Variants in AREG observed in about 807,000 individuals in gnomAD.
AREG encodes the protein amphiregulin, also known as amphiregulin B.
Under a neutral mutation model 28.0 loss-of-function variants are expected in AREG, and 16 were observed. The ratio of observed to expected loss-of-function variants is 0.57; its 90% CI spans 0.39 to 0.87. The LOEUF is 0.87. Among genes scored for constraint, AREG ranks in the 40% least tolerant of loss-of-function variants. The pLI is 0.00. For synonymous variants in AREG, 113 were observed against 113.5 expected (o/e 1.00, Z 0.02); for missense variants, 287 against 309.1 (o/e 0.93, Z 0.53).
intron 3 of AREG, 130 bp from the exon 4 acceptor site, chr4:74,450,250 T>C (rs1719360208): frequency 7.0e-7 from 1 of 1,437,072 alleles, no homozygotes; most frequent in Non-Finnish European, 9.7e-7. Context: ...TGTCTCATTA[T>C]TTAAAATACG....
At chr4:74,453,358 T>C (rs940519455) in intron 5 of AREG, among the ~76,000 whole-genome samples, 1 of 151,986 alleles carries the variant, frequency 6.6e-6, no homozygotes, top group Non-Finnish European at 1.5e-5. Flanking sequence ...GATAAATAGG[T>C]TGGTGAAAAC....
chr4:74,447,334 C>G (rs1176825631), intron 2 of AREG, among the ~76,000 whole-genome samples: 1 of 152,104 alleles, frequency 6.6e-6, no homozygotes, highest in African/African-American at 2.4e-5. Context: ...AGGCATTAGA[C>G]TTTAGCGTTT....
chr4:74,449,278 G>T, intron 3 of AREG, 30 bp downstream of exon 3: 2 of 1,613,374 alleles, frequency 1.2e-6, no homozygotes, highest in Non-Finnish European at 1.7e-6. Flanking sequence ...ATAGAATTTT[G>T]TATTTCTAGC....
In AREG at chr4:74,446,742, A is replaced by G; in HGVS notation, c.270A>G (p.Glu90=). Residue 90 remains glutamate, a synonymous_variant, in exon 2 of 6, where the codon GAA becomes GAG. Coordinates refer to ENST00000395748, the MANE Select transcript of AREG (RefSeq NM_001657.4). The part of the protein sequence containing the change: ...DYDYSEEYDN[E]PQIPGYIVDD... ...ACTACTCAGAAGAGTATGATAACGA[A>G]CCACAAATACCTGGCTATATTGTCG... The G allele has an allele frequency of 6.2e-7, 1 of 1,613,494 alleles. No individual in the cohort carries two copies. Among genetic ancestry groups the G allele is most frequent in the East Asian group, 2.2e-5 (1 of 44,862 alleles).
intron 2 of AREG, 77 bp from the exon 3 acceptor site, chr4:74,448,970 A>G (rs1432109324): frequency 1.9e-5 from 30 of 1,588,072 alleles, no homozygotes; most frequent in Admixed American, 3.6e-5. Flanking sequence ...GCTCACTGCT[A>G]TGACATCTTT....
At chr4:74,450,077 A>T (rs1282541710) in intron 3 of AREG, among the ~76,000 whole-genome samples, 1 of 152,174 alleles carries the variant, frequency 6.6e-6, no homozygotes, top group East Asian at 1.9e-4. Flanking sequence ...CTAGCACATT[A>T]AATAATATTG....
In AREG at chr4:74,454,847, T is replaced by A; in HGVS notation, c.*107T>A. ...GGATCATAAGACAATGGACCCTTTTTGTTATGATGGTTTTAAACTTTCAAT... is the reference window on the plus strand; with the variant it reads ...GGATCATAAGACAATGGACCCTTTTAGTTATGATGGTTTTAAACTTTCAAT... On this transcript the variant is annotated 3_prime_UTR_variant, in exon 6 of 6. Transcript: ENST00000395748. The A allele has an allele frequency of 1.4e-6, 1 of 700,058 alleles. No homozygotes were observed. The highest frequency in any genetic ancestry group is 2.6e-6 in the Non-Finnish European group (1 of 383,480). 43.4% of individuals were successfully genotyped at this position (700,058 alleles called of 1,614,324 possible).
Position 74,446,786 on chromosome 4 carries a change from A to G in AREG, c.310+4A>G, listed in dbSNP as rs755711979. On this transcript the variant is annotated splice_donor_region_variant and intron_variant, in intron 2 of 5. Coordinates refer to ENST00000395748, the MANE Select transcript of AREG (RefSeq NM_001657.4). Reference sequence around the variant, plus strand: ...ATTGTCGATGATTCAGTCAGAGGTGAGTAGGGGATAAAGCAAAAATATGGC... The same window carrying G: ...ATTGTCGATGATTCAGTCAGAGGTGGGTAGGGGATAAAGCAAAAATATGGC... 3.9e-5 allele frequency: 63 copies of G among 1,613,844 alleles called. No individual in the cohort carries two copies. The highest frequency in any genetic ancestry group is 5.2e-5 in the Non-Finnish European group (61 of 1,179,872).
intron 3 of AREG, among the ~76,000 whole-genome samples, chr4:74,449,788 C>T (rs1289765555): frequency 6.6e-6 from 1 of 151,974 alleles, no homozygotes; most frequent in African/African-American, 2.4e-5. Context: ...AAAAACTATT[C>T]TTAGCTTGCA....
At position 74,446,702 on chromosome 4, in the gene AREG, C is replaced by T. The variant is rs769439500; in HGVS notation, c.230C>T (p.Ser77Leu). Residue 77 changes from serine to leucine, a missense_variant, in exon 2 of 6, where the codon TCG becomes TTG. By Grantham distance (145) the Ser-to-Leu change is moderately radical. Transcript: ENST00000395748. ...ATGCCTTCTAGTAGTGAACCGTCCTCGGGAGCCGACTATGACTACTCAGAA... is the reference window on the plus strand; with the variant it reads ...ATGCCTTCTAGTAGTGAACCGTCCTTGGGAGCCGACTATGACTACTCAGAA... Reference protein sequence around the residue: ...SEMPSSSEPSSGADYDYSEEY... With the variant: ...SEMPSSSEPSLGADYDYSEEY... 9.3e-6 allele frequency: 15 copies of T among 1,613,774 alleles called. No individual in the cohort carries two copies. Among genetic ancestry groups the T allele is most frequent in the Admixed American group, 8.3e-5 (5 of 59,986 alleles).
At chr4:74,446,072 A>G (rs1719281169) in intron 1 of AREG, among the ~76,000 whole-genome samples, 1 of 152,158 alleles carries the variant, frequency 6.6e-6, no homozygotes, top group Admixed American at 6.6e-5. Context: ...TCTTTTAAAA[A>G]TATGAACACA....
At position 74,446,516 on chromosome 4, in the gene AREG, T is replaced by C; in HGVS notation, c.62-18T>C. 1.2e-6 allele frequency: 2 copies of C among 1,613,994 alleles called. No individual in the cohort carries two copies. The highest frequency in any genetic ancestry group is 2.2e-5 in the South Asian group (2 of 91,074). ...CTACTTTACCTTTTCTTTTCTTCCT[T>C]TATTCCCTCCCCTGCAGGCCATTAT... On this transcript the variant is annotated intron_variant, in intron 1 of 5. Coordinates refer to ENST00000395748, the MANE Select transcript of AREG (RefSeq NM_001657.4).
At chr4:74,451,708 A>G (rs1270997741) in intron 4 of AREG, among the ~76,000 whole-genome samples, 1 of 152,194 alleles carries the variant, frequency 6.6e-6, no homozygotes, top group Admixed American at 6.5e-5. Flanking sequence ...GAACAAAACA[A>G]TCGCTAGTTA....
At chr4:74,446,868 G>A (rs1719299913) in intron 2 of AREG, 86 bp downstream of exon 2, 1 of 1,604,592 alleles carries the variant, frequency 6.2e-7, no homozygotes, top group Non-Finnish European at 8.5e-7. Context: ...CTGCTCCCCA[G>A]ATTTTCTAGT....
rs1293569123 is a variant in AREG at position 74,452,633 on chromosome 4, CA to C, written c.756del (p.Ter253AsnfsTer2). 5 of 1,612,988 alleles carry C rather than the reference CA, an allele frequency of 3.1e-6. No homozygotes were observed. The highest frequency in any genetic ancestry group is 1.3e-5 in the African/African-American group (1 of 74,868). On this transcript the variant is annotated frameshift_variant, in exon 5 of 6. Coordinates refer to ENST00000395748, the MANE Select transcript of AREG (RefSeq NM_001657.4). LOFTEE classifies it high-confidence loss of function. ...RQENGNVHAI[A>X] ...GAGAATGGAAATGTACATGCTATAG[CA>C]TAACTGAAGATAAAATTACAGGTTT... is the stretch of plus-strand genomic sequence containing the variant.
rs1578844449 is a variant in AREG, at chr4:74,449,159, G to C, written c.423G>C (p.Lys141Asn). 6.2e-7 allele frequency: 1 copy of C among 1,612,614 alleles called. No individual in the cohort carries two copies. Among genetic ancestry groups the C allele is most frequent in the Non-Finnish European group, 8.5e-7 (1 of 1,179,628 alleles). The change falls in exon 3 of 6, where the codon AAG becomes AAC. Residue 141 changes from lysine (K) to asparagine (N), a missense_variant. Transcript: ENST00000395748. ...ATGGAAAAAATAGAAGAAACAGAAA[G>C]AAGAAAAATCCATGTAATGCAGAAT... ...GKNGKNRRNR[K>N]KKNPCNAEFQ... is the part of the protein sequence containing the mutation.
chr4:74,447,378 A>G (rs1719311066), intron 2 of AREG, among the ~76,000 whole-genome samples: 1 of 152,222 alleles, frequency 6.6e-6, no homozygotes, highest in Admixed American at 6.5e-5. Context: ...ATGGAATAAT[A>G]ATAATAATGC....
intron 3 of AREG, 98 bp from the exon 4 acceptor site, chr4:74,450,282 A>G: frequency 6.3e-7 from 1 of 1,591,362 alleles, no homozygotes; most frequent in Non-Finnish European, 8.6e-7. Flanking sequence ...TAACTTTTTT[A>G]ATGTTGGAAT....
At chr4:74,453,876 C>T (rs1010346672) in intron 5 of AREG, among the ~76,000 whole-genome samples, 1 of 150,428 alleles carries the variant, frequency 6.6e-6, no homozygotes, top group East Asian at 1.9e-4. Flanking sequence ...GCCAAGATCG[C>T]GCCATTGCAC....
Sources: gnomAD v4.1 joint callset for allele counts (sites outside exome capture counted in the v4.1 genomes callset) on GRCh38, gnomAD v4.1.1 for gene constraint, MANE v1.5 for transcripts, NCBI Gene and HGNC (gene_info 2026-07-23, HGNC 2026-07-21) for gene names.